Variants in LUC7L3 observed in about 807,000 individuals in gnomAD.
LUC7L3 encodes the protein luc7-like protein 3.
In LUC7L3, 6 loss-of-function variants were observed where a neutral mutation model predicts 66.8. The ratio of observed to expected loss-of-function variants is 0.09; its 90% CI spans 0.05 to 0.18. The LOEUF (loss-of-function observed/expected upper bound fraction) is 0.18, where lower values mean the gene tolerates loss of function less well. Among genes scored for constraint, LUC7L3 ranks in the 10% least tolerant of loss-of-function variants. The pLI, the probability that LUC7L3 is intolerant of heterozygous loss-of-function variation, is 1.00. For synonymous variants in LUC7L3, 160 were observed against 174.7 expected (o/e 0.92, Z 0.66); for missense variants, 341 against 531.1 (o/e 0.64, Z 3.52).
intron 8 of LUC7L3, 110 bp from the exon 9 acceptor site, chr17:50,746,432 T>C: frequency 1.1e-6 from 1 of 916,454 alleles, no homozygotes; most frequent in South Asian, 1.9e-5. Context: ...AATGTAAATA[T>C]GTTTTAGAGG....
rs774387282 is a variant in LUC7L3, at chr17:50,752,179, T to G, written c.*1518T>G. 7.8e-7 allele frequency: 1 copy of G among 1,284,704 alleles called. No individual in the cohort carries two copies. Among genetic ancestry groups the G allele is most frequent in the South Asian group, 1.3e-5 (1 of 79,892 alleles). The allele number at this position is 1,284,704 out of a possible 1,614,324, so 79.6% of individuals were successfully genotyped here. On this transcript the variant is annotated 3_prime_UTR_variant, in exon 10 of 10. Coordinates refer to ENST00000505658, the MANE Select transcript of LUC7L3 (RefSeq NM_016424.5). ...TTACATGTTGTCTAATTATCATTTT[T>G]CCCCAAATTTTGCGTTGTAGGACTA...
chr17:50,725,181 G>A (rs935829184), intron 1 of LUC7L3, among the ~76,000 whole-genome samples: 46 of 152,254 alleles, frequency 3.0e-4, no homozygotes, highest in East Asian at 1.4e-3. Context: ...AGGCTGAGGC[G>A]GGTGGATCAC....
intron 1 of LUC7L3, among the ~76,000 whole-genome samples, chr17:50,733,002 T>C (rs1398565048): frequency 6.6e-6 from 1 of 152,184 alleles, no homozygotes; most frequent in Non-Finnish European, 1.5e-5. Context: ...TAGAGATGTG[T>C]TTATTCGTTT....
chr17:50,734,853 ATCTC>A (rs1303075962), intron 1 of LUC7L3, among the ~76,000 whole-genome samples: 4 of 152,186 alleles, frequency 2.6e-5, no homozygotes, highest in African/African-American at 9.7e-5. Context: ...TTTAGAAAGA[ATCTC>A]TCCAAAACCC....
intron 9 of LUC7L3, 53 bp downstream of exon 9, chr17:50,746,755 C>CCCCACTCACTT (rs1970693439): frequency 6.6e-7 from 1 of 1,508,244 alleles, no homozygotes; most frequent in Non-Finnish European, 9.1e-7. Context: ...ACCCTAATCG[C>CCCCACTCACTT]CCCACTCACT....
At position 50,744,829 on chromosome 17, in the gene LUC7L3, T is replaced by C. The variant is rs752068857; in HGVS notation, c.693+16T>C. On this transcript the variant is annotated intron_variant, in intron 7 of 9. Transcript: ENST00000505658. ...AGAATTAAAAGTAAGTTTTTTTGTT[T>C]GTTTTGAGGCAGATTCTTGCTCTGT... 6.9e-6 allele frequency: 11 copies of C among 1,605,490 alleles called. No homozygotes were observed. The highest frequency in any genetic ancestry group is 9.4e-6 in the Non-Finnish European group (11 of 1,176,226).
chr17:50,745,608 T>G, intron 7 of LUC7L3, 112 bp from the exon 8 acceptor site: 1 of 737,108 alleles, frequency 1.4e-6, no homozygotes, highest in Non-Finnish European at 2.3e-6. Flanking sequence ...TACATTTCCC[T>G]TAAGGGCATC....
chr17:50,751,143 G>A lies in LUC7L3; in HGVS notation c.*482G>A. 1 of 1,472,570 alleles carries A rather than the reference G, an allele frequency of 6.8e-7. No individual in the cohort carries two copies. The highest frequency in any genetic ancestry group is 8.9e-7 in the Non-Finnish European group (1 of 1,118,058). 91.2% of individuals were successfully genotyped at this position (1,472,570 alleles called of 1,614,324 possible). The stretch of plus-strand genomic sequence containing the variant: ...TGGACTACTTTGTTTTAATTAAACT[G>A]CTAGTATTTCTTTGTCAAGGATGTT... On this transcript the variant is annotated 3_prime_UTR_variant, in exon 10 of 10. Coordinates refer to ENST00000505658, the MANE Select transcript of LUC7L3 (RefSeq NM_016424.5).
At chr17:50,738,923 A>G (rs1283642624) in intron 2 of LUC7L3, among the ~76,000 whole-genome samples, 1 of 152,152 alleles carries the variant, frequency 6.6e-6, no homozygotes, top group Non-Finnish European at 1.5e-5. Context: ...TGTAGGTCAC[A>G]GAATTATGAA....
intron 1 of LUC7L3, among the ~76,000 whole-genome samples, chr17:50,729,071 A>G (rs1481371028): frequency 6.6e-6 from 1 of 152,232 alleles, no homozygotes; most frequent in East Asian, 1.9e-4. Flanking sequence ...TATAAAGAAG[A>G]GTTAGGTTTC....
At chr17:50,722,105 C>A (rs979102164) in intron 1 of LUC7L3, 2 of 151,550 alleles carry the variant, frequency 1.3e-5, no homozygotes, top group African/African-American at 4.8e-5. Flanking sequence ...TCAACCCCTT[C>A]AACTCCCCTT....
At chr17:50,737,264 T>G (rs1363660302) in intron 2 of LUC7L3, 23 of 623,474 alleles carry the variant, frequency 3.7e-5, no homozygotes, top group Non-Finnish European at 5.9e-5. Context: ...AAACTCCACT[T>G]AAATGAAAAA....
chr17:50,719,826 G>C lies in LUC7L3; in HGVS notation c.94G>C (p.Glu32Gln). The C allele has an allele frequency of 1.3e-6, 2 of 1,592,610 alleles. No homozygotes were observed. The highest frequency in any genetic ancestry group is 1.7e-6 in the Non-Finnish European group (2 of 1,173,816). ...EKRSNVRWDHESVCKYYLCGF... is the reference protein window; with the variant it reads ...EKRSNVRWDHQSVCKYYLCGF... Reference sequence around the variant, plus strand: ...GCGCAGCAACGTGCGGTGGGACCACGAGAGCGTAAGTCCCGCGGGCCTTGG... The same window carrying C: ...GCGCAGCAACGTGCGGTGGGACCACCAGAGCGTAAGTCCCGCGGGCCTTGG... The change falls in exon 1 of 10, where the codon GAG (glutamate) becomes CAG (glutamine). Residue 32 changes from glutamate to glutamine, a missense_variant. By Grantham distance (29) the Glu-to-Gln change is conservative (BLOSUM62 2). This residue lies in a region of LUC7L3 where 19 missense variants were observed against 17.4 expected (regional missense o/e 1.09). Coordinates refer to ENST00000505658, the MANE Select transcript of LUC7L3 (RefSeq NM_016424.5).
intron 4 of LUC7L3, 112 bp downstream of exon 4, chr17:50,741,358 G>C (rs1197201042): frequency 3.6e-6 from 4 of 1,110,808 alleles, no homozygotes; most frequent in Non-Finnish European, 5.1e-6. Context: ...TCTTTAAAAT[G>C]ATATGAAACT....
chr17:50,753,463 T>C lies in LUC7L3; in HGVS notation c.*2802T>C, dbSNP rs1221799185. On this transcript the variant is annotated 3_prime_UTR_variant, in exon 10 of 10. Coordinates refer to ENST00000505658, the MANE Select transcript of LUC7L3 (RefSeq NM_016424.5). ...TACTAAAATCTCTTCCACCAAACTT[T>C]GAAAAATAATGAAGCCGCCCCCACT... 4.6e-5 allele frequency: 7 copies of C among 152,326 alleles called. No homozygotes were observed. The highest frequency in any genetic ancestry group is 1.7e-4 in the African/African-American group (7 of 41,414). The allele number at this position is 152,326 out of a possible 1,614,324, so 9.4% of individuals were successfully genotyped here.
At chr17:50,724,440 C>T (rs1969020600) in intron 1 of LUC7L3, among the ~76,000 whole-genome samples, 1 of 151,936 alleles carries the variant, frequency 6.6e-6, no homozygotes, top group Non-Finnish European at 1.5e-5. Flanking sequence ...AGGATCCTTT[C>T]AACCCAGGAG....
chr17:50,752,324 T>TTAC lies in LUC7L3; in HGVS notation c.*1665_*1666insCTA, dbSNP rs1971014622. 9.2e-6 allele frequency: 7 copies of TTAC among 760,876 alleles called. No homozygotes were observed. In the South Asian group the frequency reaches 1.3e-4, roughly 14 times the overall value. 47.1% of individuals were successfully genotyped at this position (760,876 alleles called of 1,614,324 possible). ...AAAGTATAAAGCTCAGTTAGTTTTT[T>TTAC]TATTATTATTATTATTAAAAGTTAA... On this transcript the variant is annotated 3_prime_UTR_variant, in exon 10 of 10. Transcript: ENST00000505658.
chr17:50,745,879 C>T lies in LUC7L3; in HGVS notation c.853C>T (p.Arg285Cys), dbSNP rs768033567. Reference sequence around the variant, plus strand: ...GGAAGAAAGAGAAAAAGAAAGGGCTCGTGACAGAGAAAGAAGAAAGAGAAG... The same window carrying T: ...GGAAGAAAGAGAAAAAGAAAGGGCTTGTGACAGAGAAAGAAGAAAGAGAAG... The part of the protein sequence containing the change: ...EEEEREKERA[R>C]DRERRKRSRS... The change falls in exon 8 of 10, where the codon CGT becomes TGT. Residue 285 changes from arginine (R) to cysteine (C), a missense_variant. This residue lies in a region of LUC7L3 where 210 missense variants were observed against 238.1 expected (regional missense o/e 0.88). Transcript: ENST00000505658. 3.1e-6 allele frequency: 5 copies of T among 1,607,356 alleles called. No individual in the cohort carries two copies. In the Admixed American group the frequency reaches 5.1e-5, roughly 16 times the overall value.
At chr17:50,732,851 C>T (rs974342333) in intron 1 of LUC7L3, among the ~76,000 whole-genome samples, 2 of 152,138 alleles carry the variant, frequency 1.3e-5, no homozygotes, top group Non-Finnish European at 1.5e-5. Context: ...GTCCTCCCAT[C>T]TCAACCTCCC....
Sources: allele counts gnomAD v4.1 joint callset (sites outside exome capture counted in the v4.1 genomes callset), GRCh38; gene constraint gnomAD v4.1.1; regional missense constraint gnomAD v4.1.1; transcripts MANE v1.5; gene names NCBI Gene and HGNC (gene_info 2026-07-23, HGNC 2026-07-21).